HMGCLL1: variants seen among roughly 807,000 people sequenced by gnomAD.
The protein encoded by HMGCLL1 is 3-hydroxy-3-methylglutaryl-CoA lyase like 1.
A neutral mutation model predicts 39.1 loss-of-function variants in HMGCLL1; 36 were observed. The ratio of observed to expected loss-of-function variants is 0.92; its 90% CI spans 0.71 to 1.22. HMGCLL1 has a LOEUF of 1.22. Ranked by LOEUF, HMGCLL1 falls within the 50% of genes most tolerant of loss-of-function variation. The probability of loss-of-function intolerance (pLI) is 0.00; values close to 1 mark genes in which losing one functional copy is unlikely to be tolerated. For synonymous variants in HMGCLL1, 149 were observed against 144.0 expected (o/e 1.03, Z -0.25); for missense variants, 451 against 416.5 (o/e 1.08, Z -0.72).
intron 3 of HMGCLL1, among the ~76,000 whole-genome samples, chr6:55,522,371 T>C (rs756808481): frequency 6.6e-6 from 1 of 152,000 alleles, no homozygotes; most frequent in Non-Finnish European, 1.5e-5. Flanking sequence ...AAAATACCTA[T>C]CACCCTTTAC....
At chr6:55,608,740 T>G in the HMGCLL1 span, among the ~76,000 whole-genome samples, 1 of 152,250 alleles carries the variant, frequency 6.6e-6, no homozygotes, top group South Asian at 2.1e-4. Flanking sequence ...ACAACAATTC[T>G]TAAAGTTGCA....
chr6:55,647,367 A>G, the HMGCLL1 span, among the ~76,000 whole-genome samples: 10 of 151,910 alleles, frequency 6.6e-5, no homozygotes, highest in African/African-American at 2.4e-4. Flanking sequence ...CTATGTCTTG[A>G]CTGAAGAGTT....
chr6:55,603,581 T>C, the HMGCLL1 span, among the ~76,000 whole-genome samples: 2 of 152,116 alleles, frequency 1.3e-5, no homozygotes, highest in African/African-American at 2.4e-5. Context: ...ACTCGAGGAT[T>C]TGGGAAACAG....
intron 5 of HMGCLL1, chr6:55,513,734 C>T (rs45607037): frequency 1.2e-5 from 4 of 331,956 alleles, no homozygotes; most frequent in South Asian, 2.0e-4. Flanking sequence ...ACCAACTTAT[C>T]AGCACATGTA....
At chr6:55,539,940 AGAAGGAAGGAAGGAAG>A (rs753957303) in intron 3 of HMGCLL1, among the ~76,000 whole-genome samples, 866 of 57,070 alleles carry the variant, frequency 0.015, 27 homozygotes, top group East Asian at 0.027. Flanking sequence ...GAGGAGGAGG[AGAAGGAAGGAAGGAAG>A]GAAGGAAGGA....
chr6:55,461,597 A>G (rs1391044318), intron 7 of HMGCLL1, among the ~76,000 whole-genome samples: 1 of 152,122 alleles, frequency 6.6e-6, no homozygotes, highest in African/African-American at 2.4e-5. Context: ...TACCGGCTAT[A>G]AACTGGTTTG....
At chr6:55,649,164 C>T in the HMGCLL1 span, among the ~76,000 whole-genome samples, 2 of 152,110 alleles carry the variant, frequency 1.3e-5, no homozygotes, top group Admixed American at 1.3e-4. Flanking sequence ...TGTGTGCTTA[C>T]TATTACCAGT....
chr6:55,628,427 T>G, the HMGCLL1 span, among the ~76,000 whole-genome samples: 2 of 150,970 alleles, frequency 1.3e-5, no homozygotes, highest in South Asian at 4.2e-4. Flanking sequence ...CTCAGCCTCC[T>G]GAGTAGCTGA....
chr6:55,536,359 G>A lies in HMGCLL1; in HGVS notation c.297+5370C>T, dbSNP rs116341574. On this transcript the variant is annotated intron_variant, in intron 3 of 8. Transcript: ENST00000274901. The stretch of plus-strand genomic sequence containing the variant: ...GGCATACATAAATGTACAATGTTAT[G>A]TATATTTAATGTATTTTTATTTTTA... 6.8e-3 allele frequency among the ~76,000 whole-genome samples: 1,042 copies of A among 152,156 alleles called. 12 individuals are homozygous for A. Among genetic ancestry groups the A allele is most frequent in the African/African-American group, 0.024 (991 of 41,506 alleles).
intron 7 of HMGCLL1, among the ~76,000 whole-genome samples, chr6:55,461,123 G>A (rs768021155): frequency 2.8e-4 from 43 of 151,902 alleles, no homozygotes; most frequent in Non-Finnish European, 5.3e-4. Context: ...ATCTATTTTG[G>A]AGTGCTTTGT....
At chr6:55,490,746 T>C (rs535722901) in intron 7 of HMGCLL1, among the ~76,000 whole-genome samples, 55 of 152,302 alleles carry the variant, frequency 3.6e-4, no homozygotes, top group African/African-American at 1.3e-3. Context: ...ATATTACCTG[T>C]GGATATCTAG....
At chr6:55,627,199 G>A in the HMGCLL1 span, among the ~76,000 whole-genome samples, 1 of 151,998 alleles carries the variant, frequency 6.6e-6, no homozygotes, top group Non-Finnish European at 1.5e-5. Context: ...ACTGTCATGA[G>A]TATTTCCTCC....
At position 55,495,552 on chromosome 6, in the gene HMGCLL1, A is replaced by G. The variant is rs561585527; in HGVS notation, c.662T>C (p.Ile221Thr). 368 of 1,613,510 alleles carry G rather than the reference A, an allele frequency of 2.3e-4. 5 individuals are homozygous for G. In the South Asian group the frequency reaches 3.8e-3, roughly 17 times the overall value. Reference protein sequence around the residue: ...GCYEISLGDTIGVGTPGSMKR... With the variant: ...GCYEISLGDTTGVGTPGSMKR... ...CATACTTCCTGGAGTTCCCACTCCA[A>G]TTGTGTCTCCTAGAGAGATCTCATA... Residue 221 changes from isoleucine (I) to threonine (T), a missense_variant, in exon 7 of 9, where the codon ATT (isoleucine) becomes ACT (threonine). Physicochemically the swap from Ile to Thr is moderately conservative, Grantham distance 89 (BLOSUM62 -1). Transcript: ENST00000274901.
At chr6:55,455,655 T>C (rs1764291226) in intron 7 of HMGCLL1, among the ~76,000 whole-genome samples, 1 of 152,190 alleles carries the variant, frequency 6.6e-6, no homozygotes, top group Admixed American at 6.5e-5. Flanking sequence ...TCTGTATGAT[T>C]CCAGAGCCAA....
intron 5 of HMGCLL1, among the ~76,000 whole-genome samples, chr6:55,510,718 C>T (rs1483869937): frequency 6.6e-6 from 1 of 150,392 alleles, no homozygotes; most frequent in African/African-American, 2.4e-5. Context: ...GTGCAGCACA[C>T]CAGCATGGCA....
chr6:55,441,507 G>C (rs1763596558), intron 7 of HMGCLL1, among the ~76,000 whole-genome samples: 1 of 152,030 alleles, frequency 6.6e-6, no homozygotes, highest in African/African-American at 2.4e-5. Flanking sequence ...TAAAATCCAT[G>C]CAATATTTAG....
intron 7 of HMGCLL1, chr6:55,439,828 A>G: frequency 3.3e-6 from 1 of 300,014 alleles, no homozygotes; most frequent in Non-Finnish European, 6.2e-6. Flanking sequence ...GTTCGTTGGT[A>G]ACAGCTCAAC....
the HMGCLL1 span, among the ~76,000 whole-genome samples, chr6:55,666,860 G>A: frequency 6.6e-6 from 1 of 151,570 alleles, no homozygotes; most frequent in Non-Finnish European, 1.5e-5. Context: ...TGGGAGGAGA[G>A]TACCAAAAGA....
the HMGCLL1 span, among the ~76,000 whole-genome samples, chr6:55,648,336 G>A: frequency 2.0e-5 from 3 of 149,964 alleles, no homozygotes; most frequent in East Asian, 6.0e-4. Flanking sequence ...ACATTCAAAA[G>A]CTAGCAGAAG....
Sources: gnomAD v4.1 joint callset for allele counts (sites outside exome capture counted in the v4.1 genomes callset) on GRCh38, gnomAD v4.1.1 for gene constraint, MANE v1.5 for transcripts, NCBI Gene and HGNC (gene_info 2026-07-23, HGNC 2026-07-21) for gene names.